The following NSD3 variants were observed in gnomAD, a reference collection of about 807,000 sequenced individuals.
NSD3 encodes the protein histone-lysine N-methyltransferase NSD3.
Under a neutral mutation model 160.8 loss-of-function variants are expected in NSD3, and 24 were observed. The ratio of observed to expected loss-of-function variants is 0.15; its 90% CI spans 0.11 to 0.21. NSD3 has a LOEUF of 0.21. NSD3 is among the 10% of genes least tolerant of loss of function. The pLI is 1.00. For missense variants in NSD3, 1,157 were observed against 1,735.9 expected (o/e 0.67, Z 5.93); for synonymous variants, 520 against 600.0 (o/e 0.87, Z 1.95).
At chr8:38,278,436 T>C (rs752127616) in intron 21 of NSD3, 24 bp from the exon 22 acceptor site, 25 of 1,581,676 alleles carry the variant, frequency 1.6e-5, no homozygotes, top group Non-Finnish European at 2.0e-5. Context: ...GAAATAATTA[T>C]TCAAACTCGA....
rs1371798924 is a variant in NSD3 at position 38,329,556 on chromosome 8, A to G, written c.1403T>C (p.Ile468Thr). The G allele has an allele frequency of 2.8e-5, 46 of 1,614,054 alleles. No individual in the cohort carries two copies. The Middle Eastern group carries it at 4.9e-4, about 17-fold the overall frequency. Residue 468 changes from isoleucine (I) to threonine (T), a missense_variant, in exon 6 of 24, where the codon ATA becomes ACA. By Grantham distance (89) the Ile-to-Thr change is moderately conservative. This residue lies in a region of NSD3 where 168 missense variants were observed against 208.1 expected (regional missense o/e 0.81). Coordinates refer to ENST00000317025, the MANE Select transcript of NSD3 (RefSeq NM_023034.2). The surrounding 1 kb of genome is among the most constrained non-coding windows in gnomAD (Gnocchi z 4.8). ...AEEEEPPPVK[I>T]AWKTAAARKS... Reference sequence around the variant, plus strand: ...CCTTGCTGCCGCAGTTTTCCAGGCTATTTTAACAGGCGGTGGCTCTTCCTC... The same window carrying G: ...CCTTGCTGCCGCAGTTTTCCAGGCTGTTTTAACAGGCGGTGGCTCTTCCTC...
chr8:38,375,315 A>G (rs1811363364), intron 1 of NSD3, among the ~76,000 whole-genome samples: 1 of 148,104 alleles, frequency 6.8e-6, no homozygotes. Flanking sequence ...TAATGACGAT[A>G]AAGATCCACA....
At chr8:38,368,856 C>T (rs1458555571) in intron 1 of NSD3, among the ~76,000 whole-genome samples, 1 of 152,184 alleles carries the variant, frequency 6.6e-6, no homozygotes, top group Non-Finnish European at 1.5e-5. Flanking sequence ...CATCTTGTTC[C>T]ATTCACTATG....
rs200069180 is a variant in NSD3 at position 38,288,765 on chromosome 8, C to G, written c.3232-9G>C. ...CCTATTACTTTGTTAGCCTAGAAAA[C>G]AAAATCGCAAGCGAGAGAGAGGCAG... On this transcript the variant is annotated splice_polypyrimidine_tract_variant and intron_variant, in intron 18 of 23. Coordinates refer to ENST00000317025, the MANE Select transcript of NSD3 (RefSeq NM_023034.2). This position sits in a 1 kb window ranked among gnomAD's most constrained non-coding sequence, Gnocchi z 4.5. 1.2e-5 allele frequency: 19 copies of G among 1,609,062 alleles called. No homozygotes were observed. Among genetic ancestry groups the G allele is most frequent in the Middle Eastern group, 3.3e-4 (2 of 6,064 alleles).
chr8:38,305,564 T>A (rs1219690028), intron 12 of NSD3, 119 bp from the exon 13 acceptor site: 9 of 829,112 alleles, frequency 1.1e-5, no homozygotes, highest in African/African-American at 1.8e-5. Flanking sequence ...TACTTAAGAA[T>A]TTAATGCACA....
At chr8:38,335,558 C>G (rs1810197314) in intron 4 of NSD3, among the ~76,000 whole-genome samples, 1 of 151,706 alleles carries the variant, frequency 6.6e-6, no homozygotes, top group African/African-American at 2.4e-5. Context: ...AAAGCATGGT[C>G]TTCTTGGAAA....
At chr8:38,356,352 GC>G (rs2150388157) in intron 1 of NSD3, among the ~76,000 whole-genome samples, 1 of 152,240 alleles carries the variant, frequency 6.6e-6, no homozygotes, top group Non-Finnish European at 1.5e-5. Context: ...GGGATGGTGG[GC>G]TGATAATAGA....
chr8:38,327,714 C>T (rs1809950624), intron 6 of NSD3, among the ~76,000 whole-genome samples: 1 of 152,040 alleles, frequency 6.6e-6, no homozygotes, highest in African/African-American at 2.4e-5. Flanking sequence ...TGCTCTATTA[C>T]ACAGAAAAAA....
intron 12 of NSD3, among the ~76,000 whole-genome samples, chr8:38,313,053 T>C (rs1385029291): frequency 1.3e-5 from 2 of 152,206 alleles, no homozygotes; most frequent in African/African-American, 4.8e-5. Flanking sequence ...GATGTGCAGA[T>C]AATATGACCC....
At chr8:38,291,777 T>C (rs148509231) in intron 16 of NSD3, among the ~76,000 whole-genome samples, 82 of 152,348 alleles carry the variant, frequency 5.4e-4, no homozygotes, top group African/African-American at 1.6e-3. Context: ...AAGAGTCACA[T>C]GTTCTGCCTG....
chr8:38,375,665 T>C (rs968576445), intron 1 of NSD3, among the ~76,000 whole-genome samples: 8 of 152,038 alleles, frequency 5.3e-5, no homozygotes, highest in African/African-American at 1.9e-4. Flanking sequence ...AGTATAATTA[T>C]TTATAACTTA....
intron 1 of NSD3, among the ~76,000 whole-genome samples, chr8:38,373,645 C>G (rs1265640963): frequency 6.6e-6 from 1 of 152,006 alleles, no homozygotes; most frequent in Non-Finnish European, 1.5e-5. Context: ...TTCTTAATCT[C>G]AAATCAATTT....
At position 38,273,204 on chromosome 8, in the gene NSD3, G is replaced by C. The variant is rs1340190572; in HGVS notation, c.*2437C>G. 1 of 152,124 alleles carries C rather than the reference G, an allele frequency of 6.6e-6. No homozygotes were observed. The highest frequency in any genetic ancestry group is 2.4e-5 in the African/African-American group (1 of 41,394). The allele number at this position is 152,124 out of a possible 1,614,324, so 9.4% of individuals were successfully genotyped here. ...GCAGAGACAGGGTTTCACCATGTTG[G>C]TCAGGCTGGTCTCAAACTCCTGACC... On this transcript the variant is annotated 3_prime_UTR_variant, in exon 24 of 24. Coordinates refer to ENST00000317025, the MANE Select transcript of NSD3 (RefSeq NM_023034.2).
In NSD3 at chr8:38,321,684, T is replaced by C. The variant is rs1809797778; in HGVS notation, c.1709-512A>G. Among the ~76,000 whole-genome samples, 3 of 152,162 alleles carry C rather than the reference T, an allele frequency of 2.0e-5. No homozygotes were observed. Among genetic ancestry groups the C allele is most frequent in the Admixed American group, 2.0e-4 (3 of 15,280 alleles). On this transcript the variant is annotated intron_variant, in intron 7 of 23. Transcript: ENST00000317025. This position sits in a 1 kb window ranked among gnomAD's most constrained non-coding sequence, Gnocchi z 4.7. ...ACTTATGTAAGTTTTGCTGTTGTTATTAATAACAAAAGCAGGAAAAGCAGG... is the reference window on the plus strand; with the variant it reads ...ACTTATGTAAGTTTTGCTGTTGTTACTAATAACAAAAGCAGGAAAAGCAGG...
Position 38,290,469 on chromosome 8 carries a change from G to C in NSD3, c.3118+6C>G. ...TTTGAGTCACTGTAAACATCATCCA[G>C]CTTACCCTTTTTGAAGGTCTTGTTA... On this transcript the variant is annotated splice_donor_region_variant and intron_variant, in intron 17 of 23. Coordinates refer to ENST00000317025, the MANE Select transcript of NSD3 (RefSeq NM_023034.2). 1 of 1,613,982 alleles carries C rather than the reference G, an allele frequency of 6.2e-7. No individual in the cohort carries two copies. Among genetic ancestry groups the C allele is most frequent in the Non-Finnish European group, 8.5e-7 (1 of 1,179,914 alleles).
chr8:38,350,225 G>A (rs974522100), intron 1 of NSD3, among the ~76,000 whole-genome samples: 2 of 152,106 alleles, frequency 1.3e-5, no homozygotes, highest in African/African-American at 4.8e-5. Flanking sequence ...TGGGTCAAAT[G>A]GTATTTCTAG....
At chr8:38,320,119 C>T (rs1231060778) in intron 8 of NSD3, 9 of 152,048 alleles carry the variant, frequency 5.9e-5, no homozygotes, top group African/African-American at 2.2e-4. Context: ...AATTAGTATA[C>T]TATTTAAATT....
chr8:38,370,720 T>C lies in NSD3; in HGVS notation c.-45+11079A>G, dbSNP rs552334917. On this transcript the variant is annotated intron_variant, in intron 1 of 23. Transcript: ENST00000317025. Reference sequence around the variant, plus strand: ...TTTCTGGAAATGTTCTAAAATTGATTGTGGTGATGGTTATATAACCCCGTC... The same window carrying C: ...TTTCTGGAAATGTTCTAAAATTGATCGTGGTGATGGTTATATAACCCCGTC... 6.6e-5 allele frequency among the ~76,000 whole-genome samples: 10 copies of C among 152,290 alleles called. No individual in the cohort carries two copies. The South Asian group carries it at 1.0e-3, about 16-fold the overall frequency.
intron 14 of NSD3, among the ~76,000 whole-genome samples, chr8:38,303,833 T>C (rs1016433013): frequency 9.2e-5 from 14 of 152,198 alleles, no homozygotes; most frequent in African/African-American, 1.2e-4. Flanking sequence ...TTAGGGATAT[T>C]AGTTAGTTTT....
Sources: allele counts gnomAD v4.1 joint callset (sites outside exome capture counted in the v4.1 genomes callset), GRCh38; gene constraint gnomAD v4.1.1; regional missense constraint gnomAD v4.1.1; non-coding constraint Gnocchi (gnomAD v3.1); transcripts MANE v1.5; gene names NCBI Gene and HGNC (gene_info 2026-07-23, HGNC 2026-07-21).